Variants in NEGR1 observed in about 807,000 individuals in gnomAD.
NEGR1 encodes the protein IgLON family member 4.
In NEGR1, 10 loss-of-function variants were observed where a neutral mutation model predicts 40.9. The ratio of observed to expected loss-of-function variants is 0.24; its 90% CI spans 0.15 to 0.42. NEGR1 has a LOEUF of 0.42. Ranked by LOEUF, NEGR1 falls within the 10% of genes least tolerant of loss-of-function variation. The probability of loss-of-function intolerance (pLI) is 1.00; values close to 1 mark genes in which losing one functional copy is unlikely to be tolerated. For missense variants in NEGR1, 352 were observed against 438.9 expected (o/e 0.80, Z 1.77); for synonymous variants, 185 against 166.8 (o/e 1.11, Z -0.84).
At chr1:71,903,371 GA>G (rs1049744787) in intron 2 of NEGR1, among the ~76,000 whole-genome samples, 6 of 151,936 alleles carry the variant, frequency 3.9e-5, no homozygotes, top group African/African-American at 1.4e-4. Context: ...AATTAAGGCA[GA>G]AATTTTACTT....
At chr1:72,063,695 AT>A (rs981860979) in intron 1 of NEGR1, among the ~76,000 whole-genome samples, 1 of 151,916 alleles carries the variant, frequency 6.6e-6, no homozygotes, top group Non-Finnish European at 1.5e-5. Context: ...GAAGATTAAA[AT>A]TTTTAGCAGG....
At chr1:71,685,717 T>C (rs2101615759) in intron 4 of NEGR1, among the ~76,000 whole-genome samples, 1 of 152,314 alleles carries the variant, frequency 6.6e-6, no homozygotes, top group Admixed American at 6.5e-5. Context: ...ACACCAAATT[T>C]ATTTTTCTCT....
At chr1:71,497,196 C>T (rs984148367) in intron 6 of NEGR1, among the ~76,000 whole-genome samples, 2 of 152,094 alleles carry the variant, frequency 1.3e-5, no homozygotes, top group Non-Finnish European at 2.9e-5. Context: ...AATTGATAGA[C>T]GTTTTTTCTA....
At chr1:72,258,604 T>C (rs1461270430) in intron 1 of NEGR1, among the ~76,000 whole-genome samples, 4 of 152,166 alleles carry the variant, frequency 2.6e-5, no homozygotes, top group Admixed American at 2.6e-4. Flanking sequence ...CACGGGGCAA[T>C]TAAATAACTA....
At chr1:71,717,816 T>C (rs1654328343) in intron 3 of NEGR1, among the ~76,000 whole-genome samples, 1 of 152,136 alleles carries the variant, frequency 6.6e-6, no homozygotes, top group African/African-American at 2.4e-5. Flanking sequence ...GTATCACTGG[T>C]ATCCTTATAA....
At chr1:72,186,932 T>C (rs1345796906) in intron 1 of NEGR1, among the ~76,000 whole-genome samples, 1 of 151,620 alleles carries the variant, frequency 6.6e-6, no homozygotes, top group African/African-American at 2.4e-5. Context: ...ATATCCATAT[T>C]GTTACTTTTC....
chr1:71,704,713 A>G (rs1428013128), intron 3 of NEGR1, among the ~76,000 whole-genome samples: 1 of 151,978 alleles, frequency 6.6e-6, no homozygotes, highest in Non-Finnish European at 1.5e-5. Context: ...AGAAATAAAT[A>G]ATACCAAACC....
intron 6 of NEGR1, among the ~76,000 whole-genome samples, chr1:71,426,538 T>G (rs984059831): frequency 5.4e-5 from 8 of 147,896 alleles, no homozygotes; most frequent in Non-Finnish European, 7.7e-5. Context: ...GTATTTCATC[T>G]TATCATATTA....
At chr1:71,763,553 C>T (rs574567992) in intron 3 of NEGR1, among the ~76,000 whole-genome samples, 1 of 152,194 alleles carries the variant, frequency 6.6e-6, no homozygotes, top group South Asian at 2.1e-4. Flanking sequence ...TTCATCTGTA[C>T]AATGAGTTTG....
chr1:72,068,236 T>G (rs1272025878), intron 1 of NEGR1, among the ~76,000 whole-genome samples: 1 of 152,096 alleles, frequency 6.6e-6, no homozygotes, highest in Non-Finnish European at 1.5e-5. Flanking sequence ...AGTGCTTGAA[T>G]CAGGAAAACG....
chr1:72,079,191 T>A (rs982243269), intron 1 of NEGR1, among the ~76,000 whole-genome samples: 1 of 150,882 alleles, frequency 6.6e-6, no homozygotes, highest in African/African-American at 2.4e-5. Flanking sequence ...AGTTAAAAAG[T>A]GAAAGTAATT....
At chr1:71,545,509 C>G (rs1647863967) in intron 6 of NEGR1, among the ~76,000 whole-genome samples, 1 of 151,672 alleles carries the variant, frequency 6.6e-6, no homozygotes, top group Admixed American at 6.6e-5. Flanking sequence ...TCTTCTATAT[C>G]TTCTGTCTTT....
intron 1 of NEGR1, among the ~76,000 whole-genome samples, chr1:72,064,036 A>T (rs1392999603): frequency 6.6e-6 from 1 of 151,976 alleles, no homozygotes; most frequent in African/African-American, 2.4e-5. Flanking sequence ...ATTCTATATT[A>T]GAACAAAAAG....
chr1:71,895,155 A>G (rs930725716), intron 2 of NEGR1, among the ~76,000 whole-genome samples: 6 of 152,054 alleles, frequency 3.9e-5, no homozygotes, highest in Admixed American at 3.3e-4. Context: ...TTTATTATCT[A>G]CTTATGTGCC....
intron 2 of NEGR1, among the ~76,000 whole-genome samples, chr1:71,865,354 G>T (rs1350787767): frequency 6.6e-6 from 1 of 152,120 alleles, no homozygotes; most frequent in African/African-American, 2.4e-5. Context: ...ATCAATGATA[G>T]ACTTGATAAA....
At position 71,831,801 on chromosome 1, in the gene NEGR1, A is replaced by G. The variant is rs546145803; in HGVS notation, c.410-55504T>C. On this transcript the variant is annotated intron_variant, in intron 2 of 6. Transcript: ENST00000357731. Reference sequence around the variant, plus strand: ...ACCAAGGATATTTTGGGCTGAGACAAAAAGAAAAAAAAAAAACGCAATGAG... The same window carrying G: ...ACCAAGGATATTTTGGGCTGAGACAGAAAGAAAAAAAAAAAACGCAATGAG... Among the ~76,000 whole-genome samples, 446 of 84,740 alleles carry G rather than the reference A, an allele frequency of 5.3e-3. 4 individuals are homozygous for G. Among genetic ancestry groups the G allele is most frequent in the African/African-American group, 0.018 (430 of 23,340 alleles). 55.6% of individuals were successfully genotyped at this position (84,740 alleles called of 152,430 possible).
intron 4 of NEGR1, among the ~76,000 whole-genome samples, chr1:71,687,694 T>C (rs1653084037): frequency 2.6e-5 from 4 of 152,236 alleles, no homozygotes; most frequent in African/African-American, 9.6e-5. Context: ...ATTCTGGTTA[T>C]TGAAATAGTT....
chr1:71,665,555 C>T (rs1452123086), intron 4 of NEGR1, among the ~76,000 whole-genome samples: 3 of 152,156 alleles, frequency 2.0e-5, no homozygotes, highest in Admixed American at 1.3e-4. Context: ...CTTGCAGTGA[C>T]GTAGCACCCA....
chr1:71,562,066 AAT>A (rs1648478696), intron 6 of NEGR1, among the ~76,000 whole-genome samples: 1 of 151,606 alleles, frequency 6.6e-6, no homozygotes. Flanking sequence ...AAGATCCGCT[AAT>A]AATGACTTAT....
Sources: allele counts gnomAD v4.1 joint callset (sites outside exome capture counted in the v4.1 genomes callset), GRCh38; gene constraint gnomAD v4.1.1; transcripts MANE v1.5; gene names NCBI Gene and HGNC (gene_info 2026-07-23, HGNC 2026-07-21).